The following THSD7B variants were observed in gnomAD, a reference collection of about 807,000 sequenced individuals.
THSD7B encodes the protein thrombospondin type 1 domain containing 7B, also known as thrombospondin type-1 domain-containing protein 7B.
Under a neutral mutation model 213.6 loss-of-function variants are expected in THSD7B, and 138 were observed. The observed-to-expected ratio is 0.65, with a 90% CI of 0.56 to 0.74. The LOEUF (loss-of-function observed/expected upper bound fraction) is 0.74. Ranked by LOEUF, THSD7B falls within the 30% of genes least tolerant of loss-of-function variation. The pLI, the probability that THSD7B is intolerant of heterozygous loss-of-function variation, is 0.00. For synonymous variants in THSD7B, 742 were observed against 687.0 expected (o/e 1.08, Z -1.25); for missense variants, 1,931 against 1,991.5 (o/e 0.97, Z 0.58).
At chr2:136,797,056 A>G (rs756107751) in intron 1 of THSD7B, among the ~76,000 whole-genome samples, 4 of 151,774 alleles carry the variant, frequency 2.6e-5, no homozygotes, top group African/African-American at 9.7e-5. Flanking sequence ...CATGAAAAGA[A>G]ATAATAATTA....
At chr2:137,316,581 G>A (rs553098809) in intron 12 of THSD7B, among the ~76,000 whole-genome samples, 1 of 152,168 alleles carries the variant, frequency 6.6e-6, no homozygotes, top group African/African-American at 2.4e-5. Context: ...CGAGACCACA[G>A]TGAAACCCTG....
chr2:137,541,798 G>A (rs1239612095), intron 15 of THSD7B, among the ~76,000 whole-genome samples: 1 of 151,486 alleles, frequency 6.6e-6, no homozygotes, highest in African/African-American at 2.4e-5. Flanking sequence ...ATATTCTGGA[G>A]GTAAAAAGTT....
chr2:137,158,299 C>T (rs537565916), intron 5 of THSD7B, among the ~76,000 whole-genome samples: 5 of 152,176 alleles, frequency 3.3e-5, no homozygotes, highest in South Asian at 2.1e-4. Flanking sequence ...TCCCCAGTTC[C>T]GGTCACTCCA....
chr2:136,937,247 G>C (rs57362525), intron 2 of THSD7B, among the ~76,000 whole-genome samples: 11,180 of 151,624 alleles, frequency 0.074, 663 homozygotes, highest in African/African-American at 0.16. Flanking sequence ...CAAGTTCTCT[G>C]GTACTTTGGT....
intron 14 of THSD7B, among the ~76,000 whole-genome samples, chr2:137,439,812 T>C (rs1391945270): frequency 2.0e-5 from 3 of 152,162 alleles, no homozygotes; most frequent in African/African-American, 7.2e-5. Flanking sequence ...GTAATCCATA[T>C]TCTGATTATA....
At chr2:137,366,825 T>G (rs1000112529) in intron 12 of THSD7B, among the ~76,000 whole-genome samples, 1 of 152,170 alleles carries the variant, frequency 6.6e-6, no homozygotes, top group Admixed American at 6.6e-5. Flanking sequence ...ATATAGCATT[T>G]CTATAACTAT....
Position 137,272,578 on chromosome 2 carries a change from A to G in THSD7B, c.2312A>G (p.Glu771Gly). Residue 771 changes from glutamate (E) to glycine (G), a missense_variant, in exon 11 of 28, where the codon GAA becomes GGA. Coordinates refer to ENST00000409968, the MANE Select transcript of THSD7B (RefSeq NM_001316349.2). ...KQSRYRIIIQ[E>G]AANGGQECPD... Reference sequence around the variant, plus strand: ...TCTCGATACAGAATCATCATCCAAGAAGCAGCCAATGGAGGCCAGGAATGC... The same window carrying G: ...TCTCGATACAGAATCATCATCCAAGGAGCAGCCAATGGAGGCCAGGAATGC... The G allele has an allele frequency of 6.2e-7, 1 of 1,612,210 alleles. No individual in the cohort carries two copies. Among genetic ancestry groups the G allele is most frequent in the Non-Finnish European group, 8.5e-7 (1 of 1,179,010 alleles).
At chr2:137,398,156 T>C (rs1686243532) in intron 12 of THSD7B, among the ~76,000 whole-genome samples, 1 of 150,238 alleles carries the variant, frequency 6.7e-6, no homozygotes, top group Admixed American at 6.7e-5. Flanking sequence ...TGAAGCCTTC[T>C]CTCAGCTCGT....
At chr2:136,778,614 C>T (rs1359372785) in intron 1 of THSD7B, among the ~76,000 whole-genome samples, 1 of 152,142 alleles carries the variant, frequency 6.6e-6, no homozygotes, top group Admixed American at 6.6e-5. Flanking sequence ...TCCTCTGTTA[C>T]CGATCTAATA....
chr2:137,489,660 A>C (rs2105120089), intron 15 of THSD7B, among the ~76,000 whole-genome samples: 1 of 152,312 alleles, frequency 6.6e-6, no homozygotes, highest in African/African-American at 2.4e-5. Context: ...TGTGACCCAG[A>C]TTAATTATAA....
At chr2:137,268,307 C>T (rs1296767473) in intron 10 of THSD7B, among the ~76,000 whole-genome samples, 1 of 151,416 alleles carries the variant, frequency 6.6e-6, no homozygotes, top group Non-Finnish European at 1.5e-5. Flanking sequence ...TCCCCCAGGC[C>T]CCCACCCCCC....
At chr2:137,273,358 T>C (rs1389713027) in intron 11 of THSD7B, among the ~76,000 whole-genome samples, 3 of 152,142 alleles carry the variant, frequency 2.0e-5, no homozygotes, top group Middle Eastern at 3.2e-3. Context: ...GTTTCTTTGC[T>C]TACTCACAAA....
chr2:136,993,314 C>T (rs569661905), intron 2 of THSD7B, among the ~76,000 whole-genome samples: 3 of 152,304 alleles, frequency 2.0e-5, no homozygotes, highest in Admixed American at 2.0e-4. Flanking sequence ...TGCTCCTTTC[C>T]TCCTGGAATC....
chr2:137,040,498 A>G (rs1558896656), intron 2 of THSD7B, among the ~76,000 whole-genome samples: 1 of 150,938 alleles, frequency 6.6e-6, no homozygotes, highest in African/African-American at 2.4e-5. Flanking sequence ...GATTCAAGTG[A>G]TTCTCCTGCC....
chr2:137,503,497 G>A (rs1251052034), intron 15 of THSD7B, among the ~76,000 whole-genome samples: 1 of 152,148 alleles, frequency 6.6e-6, no homozygotes, highest in Non-Finnish European at 1.5e-5. Context: ...CTACATGGCT[G>A]TACATGTAGC....
intron 1 of THSD7B, among the ~76,000 whole-genome samples, chr2:136,879,336 G>C (rs978792421): frequency 6.6e-6 from 1 of 152,166 alleles, no homozygotes; most frequent in African/African-American, 2.4e-5. Flanking sequence ...AGTATAGTTT[G>C]AAGTCAGGTA....
intron 1 of THSD7B, among the ~76,000 whole-genome samples, chr2:136,853,418 G>GT (rs1408910225): frequency 2.0e-5 from 3 of 152,096 alleles, no homozygotes; most frequent in African/African-American, 7.2e-5. Flanking sequence ...TCTGTCTGGT[G>GT]TTTCCCCATG....
At chr2:137,661,338 A>G (rs533356552) in intron 25 of THSD7B, among the ~76,000 whole-genome samples, 32 of 152,180 alleles carry the variant, frequency 2.1e-4, no homozygotes, top group African/African-American at 7.0e-4. Context: ...CCAACTAGAG[A>G]TGTGATGTGG....
At chr2:137,629,683 G>A (rs763828408) in intron 20 of THSD7B, among the ~76,000 whole-genome samples, 6 of 152,160 alleles carry the variant, frequency 3.9e-5, no homozygotes, top group Non-Finnish European at 8.8e-5. Context: ...ACTAGGGAAG[G>A]AATGTTAACT....
Sources: gnomAD v4.1 joint callset for allele counts (sites outside exome capture counted in the v4.1 genomes callset) on GRCh38, gnomAD v4.1.1 for gene constraint, MANE v1.5 for transcripts, NCBI Gene and HGNC (gene_info 2026-07-23, HGNC 2026-07-21) for gene names.